Variants in SCRN1 observed in about 807,000 individuals in gnomAD.
SCRN1 encodes secernin 1, also known as secernin-1.
A neutral mutation model predicts 43.3 loss-of-function variants in SCRN1; 19 were observed. The ratio of observed to expected loss-of-function variants is 0.44; its 90% confidence interval spans 0.31 to 0.64. The LOEUF (loss-of-function observed/expected upper bound fraction) is 0.64, where lower values mean the gene tolerates loss of function less well. SCRN1 is among the 30% of genes least tolerant of loss of function. The probability of loss-of-function intolerance (pLI) is 0.09; values close to 1 mark genes in which losing one functional copy is unlikely to be tolerated. For missense variants in SCRN1, 447 were observed against 524.1 expected (o/e 0.85, Z 1.44); for synonymous variants, 183 against 188.9 (o/e 0.97, Z 0.26).
rs1312658954 is a variant in SCRN1, at chr7:29,921,936, A to C, written c.*2021T>G. The C allele has an allele frequency of 2.0e-5, 3 of 152,218 alleles. No individual in the cohort carries two copies. The highest frequency in any genetic ancestry group is 4.4e-5 in the Non-Finnish European group (3 of 68,040). The allele number at this position is 152,218 out of a possible 1,614,324, so 9.4% of individuals were successfully genotyped here. A position where few individuals can be genotyped will look rare whatever the true frequency, so the allele number is the denominator to read the frequency against. On this transcript the variant is annotated 3_prime_UTR_variant, in exon 8 of 8. Transcript: ENST00000242059. ...ATAGTAGGCGAAGGTGAAATCACTC[A>C]GTGAGATTTTAGAGCAGCTTTCTGT...
At chr7:29,954,280 G>A (rs574186322) in intron 3 of SCRN1, among the ~76,000 whole-genome samples, 1 of 152,094 alleles carries the variant, frequency 6.6e-6, no homozygotes, top group East Asian at 1.9e-4. Flanking sequence ...GGAAAGGAGG[G>A]AAGTGATCTC....
intron 1 of SCRN1, among the ~76,000 whole-genome samples, chr7:29,979,950 G>T (rs149722065): frequency 6.6e-6 from 1 of 152,116 alleles, no homozygotes; most frequent in Non-Finnish European, 1.5e-5. Flanking sequence ...GGAAGAAAAC[G>T]ATTTACATAA....
At chr7:29,944,290 A>C in intron 3 of SCRN1, 111 bp from the exon 4 acceptor site, 3 of 858,652 alleles carry the variant, frequency 3.5e-6, no homozygotes, top group Non-Finnish European at 5.7e-6. Context: ...AACATGTGTA[A>C]ACATGTTAAG....
chr7:29,982,670 G>T (rs962276877), intron 1 of SCRN1, among the ~76,000 whole-genome samples: 1 of 126,214 alleles, frequency 7.9e-6, no homozygotes, highest in Non-Finnish European at 1.6e-5. Flanking sequence ...ACAACAGAGC[G>T]AGACCCTGTC....
intron 1 of SCRN1, among the ~76,000 whole-genome samples, chr7:29,985,181 G>A (rs988598506): frequency 7.0e-6 from 1 of 143,076 alleles, no homozygotes; most frequent in Non-Finnish European, 1.5e-5. Flanking sequence ...TGAGGCAGGC[G>A]GATCATGAGG....
At chr7:29,930,107 AT>A (rs1787108917) in intron 6 of SCRN1, among the ~76,000 whole-genome samples, 1 of 152,248 alleles carries the variant, frequency 6.6e-6, no homozygotes, top group Non-Finnish European at 1.5e-5. Flanking sequence ...TACTCAACTA[AT>A]AAAAAATATA....
chr7:29,936,812 C>T (rs919834773), intron 5 of SCRN1, 91 bp from the exon 6 acceptor site: 17 of 1,039,738 alleles, frequency 1.6e-5, no homozygotes, highest in Admixed American at 2.7e-5. Flanking sequence ...TTTGGGAGGC[C>T]GAGGCGGGCG....
At chr7:29,988,041 C>G (rs1192006013) in intron 1 of SCRN1, among the ~76,000 whole-genome samples, 1 of 151,780 alleles carries the variant, frequency 6.6e-6, no homozygotes, top group Admixed American at 6.6e-5. Flanking sequence ...GAAAGAAAGG[C>G]TGTTTAAAAA....
chr7:29,936,951 C>T lies in SCRN1; in HGVS notation c.740-230G>A, dbSNP rs533862505. Among the ~76,000 whole-genome samples the T allele has an allele frequency of 2.5e-3, 379 of 152,198 alleles. 6 individuals carry two copies. Among genetic ancestry groups the T allele is most frequent in the African/African-American group, 8.8e-3 (367 of 41,536 alleles). ...GTCCCAGCTACTTGGGAGGCTGAGG[C>T]AGGAGAATGGTGTGAACCCGGGAGG... On this transcript the variant is annotated intron_variant, in intron 5 of 7. Transcript: ENST00000242059.
chr7:29,938,483 T>C (rs1787417094), intron 5 of SCRN1, among the ~76,000 whole-genome samples: 1 of 152,250 alleles, frequency 6.6e-6, no homozygotes, highest in African/African-American at 2.4e-5. Flanking sequence ...GCAAAATCTC[T>C]GCAGCACTGT....
chr7:29,922,060 T>C lies in SCRN1; in HGVS notation c.*1897A>G, dbSNP rs1335483679. On this transcript the variant is annotated 3_prime_UTR_variant, in exon 8 of 8. Coordinates refer to ENST00000242059, the MANE Select transcript of SCRN1 (RefSeq NM_014766.5). Reference sequence around the variant, plus strand: ...CACTTTCCCCCCCCCTTAACAGTGATAGAAAGACACTTTTAGAATAGCCGC... The same window carrying C: ...CACTTTCCCCCCCCCTTAACAGTGACAGAAAGACACTTTTAGAATAGCCGC... 4 of 151,986 alleles carry C rather than the reference T, an allele frequency of 2.6e-5. No individual in the cohort carries two copies. The highest frequency in any genetic ancestry group is 9.7e-5 in the African/African-American group (4 of 41,362). 9.4% of individuals were successfully genotyped at this position (151,986 alleles called of 1,614,324 possible).
intron 6 of SCRN1, among the ~76,000 whole-genome samples, chr7:29,930,647 G>C (rs547962836): frequency 6.6e-6 from 1 of 152,186 alleles, no homozygotes; most frequent in Non-Finnish European, 1.5e-5. Flanking sequence ...GAACACACCT[G>C]AGAAGGTTCC....
intron 2 of SCRN1, among the ~76,000 whole-genome samples, chr7:29,968,004 T>C (rs993056843): frequency 6.6e-6 from 1 of 152,240 alleles, no homozygotes; most frequent in African/African-American, 2.4e-5. Context: ...TTAATAAAAT[T>C]ACATTTTTAT....
At chr7:29,935,756 G>A (rs184853100) in intron 6 of SCRN1, among the ~76,000 whole-genome samples, 1 of 152,346 alleles carries the variant, frequency 6.6e-6, no homozygotes, top group African/African-American at 2.4e-5. Context: ...GAGAGGGGCT[G>A]CTGTCTGCCT....
At chr7:29,968,070 CA>C (rs1788553641) in intron 2 of SCRN1, among the ~76,000 whole-genome samples, 1 of 152,028 alleles carries the variant, frequency 6.6e-6, no homozygotes, top group Non-Finnish European at 1.5e-5. Flanking sequence ...GAAATACTGA[CA>C]AAAATAGTAT....
At position 29,921,918 on chromosome 7, in the gene SCRN1, G is replaced by A. The variant is rs553033428; in HGVS notation, c.*2039C>T. On this transcript the variant is annotated 3_prime_UTR_variant, in exon 8 of 8. Transcript: ENST00000242059. Reference sequence around the variant, plus strand: ...GGTCTGATGAGACATTTCATAGTAGGCGAAGGTGAAATCACTCAGTGAGAT... The same window carrying A: ...GGTCTGATGAGACATTTCATAGTAGACGAAGGTGAAATCACTCAGTGAGAT... 2 of 152,178 alleles carry A rather than the reference G, an allele frequency of 1.3e-5. No homozygotes were observed. The highest frequency in any genetic ancestry group is 2.4e-5 in the African/African-American group (1 of 41,442). 9.4% of individuals were successfully genotyped at this position (152,178 alleles called of 1,614,324 possible).
chr7:29,940,641 AG>A (rs1452218681), intron 5 of SCRN1, 40 bp downstream of exon 5: 1 of 1,517,096 alleles, frequency 6.6e-7, no homozygotes, highest in South Asian at 1.3e-5. Flanking sequence ...TGCAAGAGAA[AG>A]GGTATGAGAA....
At chr7:29,963,148 C>G (rs1788382911) in intron 2 of SCRN1, among the ~76,000 whole-genome samples, 2 of 151,946 alleles carry the variant, frequency 1.3e-5, no homozygotes, top group South Asian at 4.1e-4. Context: ...GTAATGCAGG[C>G]AGAGGGGGTA....
intron 2 of SCRN1, among the ~76,000 whole-genome samples, chr7:29,967,568 TAAAACTATATAAATCTCAATCCC>T: frequency 6.6e-6 from 1 of 152,088 alleles, no homozygotes; most frequent in Middle Eastern, 3.4e-3. Flanking sequence ...CAGTGGCACA[TAAAACTATATAAATCTCAATCCC>T]AAAACCAGCA....
Sources: allele counts gnomAD v4.1 joint callset (sites outside exome capture counted in the v4.1 genomes callset), GRCh38; gene constraint gnomAD v4.1.1; transcripts MANE v1.5; gene names NCBI Gene and HGNC (gene_info 2026-07-23, HGNC 2026-07-21).